The following SACM1L variants were observed in gnomAD, a reference collection of about 807,000 sequenced individuals.
The protein encoded by SACM1L is SAC1 like phosphatidylinositide phosphatase.
SACM1L carries 32 observed loss-of-function variants against 89.5 expected under a neutral mutation model. The ratio of observed to expected loss-of-function variants is 0.36; its 90% CI spans 0.27 to 0.48. The LOEUF (loss-of-function observed/expected upper bound fraction) is 0.48. Among genes scored for constraint, SACM1L ranks in the 20% least tolerant of loss-of-function variants. The pLI, the probability that SACM1L is intolerant of heterozygous loss-of-function variation, is 0.99. For missense variants in SACM1L, 543 were observed against 708.5 expected, an observed-to-expected ratio of 0.77 and a Z score of 2.65; for synonymous variants, 213 against 232.8, an observed-to-expected ratio of 0.92 and a Z score of 0.77.
At chr3:45,714,264 C>G (rs1334393460) in intron 7 of SACM1L, among the ~76,000 whole-genome samples, 185 bp downstream of exon 7, 1 of 139,892 alleles carries the variant, frequency 7.1e-6, no homozygotes, top group African/African-American at 2.7e-5. Flanking sequence ...TTAGAATGAA[C>G]TTTTCAGACT....
intron 14 of SACM1L, among the ~76,000 whole-genome samples, chr3:45,737,050 T>C (rs1444688610): frequency 1.3e-5 from 2 of 152,096 alleles, no homozygotes; most frequent in Non-Finnish European, 2.9e-5. Context: ...AAGGGGAGTC[T>C]ATAGAGGGGA....
chr3:45,735,283 C>T lies in SACM1L; in HGVS notation c.1149C>T (p.Gly383=), dbSNP rs138504596. 7.4e-5 allele frequency: 119 copies of T among 1,612,630 alleles called. No homozygotes were observed. Among genetic ancestry groups the T allele is most frequent in the Non-Finnish European group, 8.7e-5 (103 of 1,179,744 alleles). ...GCCAGGTGGTGGCAAACCAGGAAGG[C>T]GTGTTCCGAAGCAATTGCATGGATT... ...SAGQVVANQE[G]VFRSNCMDCL... Residue 383 remains glycine, a synonymous_variant, in exon 14 of 20, where the codon GGC becomes GGT. Transcript: ENST00000389061.
At chr3:45,700,914 C>T (rs1218594810) in intron 1 of SACM1L, among the ~76,000 whole-genome samples, 2 of 152,172 alleles carry the variant, frequency 1.3e-5, no homozygotes, top group African/African-American at 2.4e-5. Context: ...TTAAATGATC[C>T]ACCTGCCTGG....
chr3:45,707,896 TTTTTA>T (rs1698434651), intron 4 of SACM1L, among the ~76,000 whole-genome samples: 1 of 152,168 alleles, frequency 6.6e-6, no homozygotes, highest in Non-Finnish European at 1.5e-5. Context: ...TTGATAAATT[TTTTTA>T]CAAAGAAAAT....
At chr3:45,734,093 C>CATGTAT (rs1699139681) in intron 13 of SACM1L, among the ~76,000 whole-genome samples, 2 of 149,866 alleles carry the variant, frequency 1.3e-5, no homozygotes, top group South Asian at 2.1e-4. Context: ...GTACTATTTG[C>CATGTAT]ATGTATTACC....
At chr3:45,727,374 A>G (rs1173550865) in intron 11 of SACM1L, among the ~76,000 whole-genome samples, 1 of 152,068 alleles carries the variant, frequency 6.6e-6, no homozygotes, top group African/African-American at 2.4e-5. Context: ...CAGAATATAT[A>G]CTTAATGTGA....
At chr3:45,723,141 A>G (rs1027253419) in intron 10 of SACM1L, among the ~76,000 whole-genome samples, 186 bp downstream of exon 10, 13 of 152,216 alleles carry the variant, frequency 8.5e-5, no homozygotes, top group African/African-American at 3.1e-4. Flanking sequence ...TTAGAAATAT[A>G]GAAAAACAAA....
intron 11 of SACM1L, among the ~76,000 whole-genome samples, chr3:45,726,503 T>TTCTC (rs1698920547): frequency 6.6e-6 from 1 of 152,140 alleles, no homozygotes; most frequent in African/African-American, 2.4e-5. Context: ...TGGCATACAG[T>TTCTC]TGTTCATAGT....
At chr3:45,695,243 A>T in intron 1 of SACM1L, among the ~76,000 whole-genome samples, 1 of 150,958 alleles carries the variant, frequency 6.6e-6, no homozygotes, top group Non-Finnish European at 1.5e-5. Context: ...ATTAAATTTG[A>T]TCATTAAGAC....
intron 1 of SACM1L, among the ~76,000 whole-genome samples, chr3:45,692,516 T>C (rs1698020083): frequency 6.6e-6 from 1 of 152,092 alleles, no homozygotes. Context: ...AGTTTCGCCA[T>C]GTTGCTGAAA....
At chr3:45,695,421 C>T (rs2742429) in intron 1 of SACM1L, among the ~76,000 whole-genome samples, 73,235 of 151,798 alleles carry the variant, frequency 0.48, 18,200 homozygotes, top group Middle Eastern at 0.58. Context: ...CCACCAGGCC[C>T]GGCTAATTTT....
At position 45,703,430 on chromosome 3, in the gene SACM1L, C is replaced by T. The variant is rs767530817; in HGVS notation, c.33-8C>T. On this transcript the variant is annotated splice_polypyrimidine_tract_variant and splice_region_variant and intron_variant, in intron 1 of 19. Transcript: ENST00000389061. ...GGTTAGTTATTTATGTTTTACATTT[C>T]TTCTTAGGCATATCACACCTGAAAA... is the stretch of plus-strand genomic sequence containing the variant. 1.9e-6 allele frequency: 3 copies of T among 1,588,198 alleles called. No individual in the cohort carries two copies. In the East Asian group the frequency reaches 6.7e-5, roughly 36 times the overall value.
chr3:45,716,593 G>A (rs1698669657), intron 7 of SACM1L, among the ~76,000 whole-genome samples: 1 of 152,158 alleles, frequency 6.6e-6, no homozygotes, highest in Non-Finnish European at 1.5e-5. Flanking sequence ...ACCTACCACT[G>A]TAGAAGGGAA....
chr3:45,720,044 T>C (rs1216607087), intron 8 of SACM1L, among the ~76,000 whole-genome samples: 1 of 152,240 alleles, frequency 6.6e-6, no homozygotes, highest in Non-Finnish European at 1.5e-5. Flanking sequence ...CTTATTTTGC[T>C]AAACTAAACT....
chr3:45,735,439 C>G, intron 14 of SACM1L, 66 bp downstream of exon 14: 1 of 1,443,282 alleles, frequency 6.9e-7, no homozygotes, highest in South Asian at 1.5e-5. Context: ...TCTTTAAAAC[C>G]CAGTAACAAA....
At chr3:45,704,992 A>G (rs1698354440) in intron 2 of SACM1L, 143 bp from the exon 3 acceptor site, 1 of 577,518 alleles carries the variant, frequency 1.7e-6, no homozygotes, top group Admixed American at 3.1e-5. Flanking sequence ...TCAATAGTGC[A>G]TTTAAGTTAA....
At chr3:45,710,847 G>A (rs1401972171) in intron 5 of SACM1L, among the ~76,000 whole-genome samples, 1 of 152,104 alleles carries the variant, frequency 6.6e-6, no homozygotes, top group Non-Finnish European at 1.5e-5. Flanking sequence ...TGGAAGTTTA[G>A]GTGCAGGCTA....
Position 45,689,519 on chromosome 3 carries a change from C to T in SACM1L, c.32+22C>T, listed in dbSNP as rs1303727436. ...AGCTGTGAGTCCCACGGGCCAGAGGCCTGAGGCGCGGCGGGCGGGGCGGCA... is the reference window on the plus strand; with the variant it reads ...AGCTGTGAGTCCCACGGGCCAGAGGTCTGAGGCGCGGCGGGCGGGGCGGCA... On this transcript the variant is annotated intron_variant, in intron 1 of 19. Transcript: ENST00000389061. The T allele has an allele frequency of 2.6e-6, 4 of 1,566,996 alleles. No individual in the cohort carries two copies. In the South Asian group the frequency reaches 4.7e-5, roughly 18 times the overall value.
chr3:45,695,819 C>G (rs1215565099), intron 1 of SACM1L, among the ~76,000 whole-genome samples: 1 of 152,120 alleles, frequency 6.6e-6, no homozygotes. Flanking sequence ...CATTAAACAA[C>G]TCCCCATTTC....
Sources: gnomAD v4.1 joint callset for allele counts (sites outside exome capture counted in the v4.1 genomes callset) on GRCh38, gnomAD v4.1.1 for gene constraint, MANE v1.5 for transcripts, NCBI Gene and HGNC (gene_info 2026-07-23, HGNC 2026-07-21) for gene names.